Variants in CPQ observed in about 807,000 individuals in gnomAD.
CPQ encodes the protein carboxypeptidase Q, also known as Ser-Met dipeptidase.
A neutral mutation model predicts 45.7 loss-of-function variants in CPQ; 37 were observed. That is an observed-to-expected ratio of 0.81 (90% CI 0.62 to 1.07). The LOEUF (loss-of-function observed/expected upper bound fraction) is 1.07. Among genes scored for constraint, CPQ ranks in the 50% least tolerant of loss-of-function variants. CPQ has a pLI of 0.00. For synonymous variants in CPQ, 186 were observed against 205.8 expected (o/e 0.90, Z 0.82); for missense variants, 537 against 572.9 (o/e 0.94, Z 0.64).
chr8:96,792,710 CAG>C (rs1472281707), intron 2 of CPQ, among the ~76,000 whole-genome samples: 7 of 152,084 alleles, frequency 4.6e-5, no homozygotes, highest in Admixed American at 1.3e-4. Flanking sequence ...ATTTGAGAAA[CAG>C]TGGATTTTTA....
intron 5 of CPQ, among the ~76,000 whole-genome samples, chr8:96,990,470 G>A (rs538860869): frequency 1.3e-5 from 2 of 152,320 alleles, no homozygotes; most frequent in South Asian, 4.1e-4. Context: ...ATAGTCTTAT[G>A]TACTGGAAGT....
chr8:96,966,010 A>T lies in CPQ; in HGVS notation c.925A>T (p.Ile309Leu). The T allele has an allele frequency of 6.2e-7, 1 of 1,613,934 alleles. No individual in the cohort carries two copies. Among genetic ancestry groups the T allele is most frequent in the Middle Eastern group, 1.7e-4 (1 of 6,060 alleles). ...GAMDDGGGAF[I>L]SWEALSLIKD... ...CATGGATGATGGCGGTGGAGCCTTTATATCATGGGAAGCACTCTCACTTAT... is the reference window on the plus strand; with the variant it reads ...CATGGATGATGGCGGTGGAGCCTTTTTATCATGGGAAGCACTCTCACTTAT... Residue 309 changes from isoleucine (I) to leucine (L), a missense_variant, in exon 5 of 8, where the codon ATA becomes TTA. Physicochemically the swap from Ile to Leu is conservative, Grantham distance 5. Transcript: ENST00000220763.
chr8:96,829,073 A>G (rs1811412950), intron 2 of CPQ, among the ~76,000 whole-genome samples: 1 of 152,242 alleles, frequency 6.6e-6, no homozygotes, highest in African/African-American at 2.4e-5. Context: ...CAAAATAACA[A>G]AAGTCTCTGT....
chr8:97,103,190 T>A (rs1426707968), intron 7 of CPQ, among the ~76,000 whole-genome samples: 1 of 152,142 alleles, frequency 6.6e-6, no homozygotes, highest in African/African-American at 2.4e-5. Flanking sequence ...AAGTTCCTTT[T>A]TGCCATATAA....
rs749278181 is a variant in CPQ, at chr8:97,078,763, T to TTCTCTCTCTCTCTCTCTC, written c.1255+12580_1255+12597dup. ...ACTCTAAATATGATATCATTTCCATTTCTCTCTCTCTCTCTCTCTCTCTCT... is the reference window on the plus strand; with the variant it reads ...ACTCTAAATATGATATCATTTCCATTTCTCTCTCTCTCTCTCTCTCTCTCTCTCTCTCTCTCTCTCTCT... On this transcript the variant is annotated intron_variant, in intron 7 of 7. Transcript: ENST00000220763. Among the ~76,000 whole-genome samples the TTCTCTCTCTCTCTCTCTC allele has an allele frequency of 1.0e-3, 102 of 100,348 alleles. 3 individuals carry two copies. The highest frequency in any genetic ancestry group is 0.013 in the Middle Eastern group (2 of 152). The allele number at this position is 100,348 out of a possible 152,430, so 65.8% of individuals were successfully genotyped here. A position where few individuals can be genotyped will look rare whatever the true frequency, so the allele number is the denominator to read the frequency against.
intron 1 of CPQ, among the ~76,000 whole-genome samples, chr8:96,716,645 T>C (rs1032171344): frequency 1.3e-5 from 2 of 152,120 alleles, no homozygotes; most frequent in African/African-American, 2.4e-5. Context: ...CAGTGGCTCA[T>C]GCTTGTAATC....
intron 5 of CPQ, among the ~76,000 whole-genome samples, chr8:96,971,850 G>GA (rs763364983): frequency 4.1e-4 from 63 of 152,332 alleles, no homozygotes; most frequent in Non-Finnish European, 7.2e-4. Flanking sequence ...GAAACTTGAA[G>GA]AAATTGTGAA....
chr8:96,827,953 A>G (rs1054032216), intron 2 of CPQ, among the ~76,000 whole-genome samples: 1 of 152,072 alleles, frequency 6.6e-6, no homozygotes, highest in African/African-American at 2.4e-5. Context: ...TTCAACTTAA[A>G]ATTTTTAGAA....
intron 4 of CPQ, among the ~76,000 whole-genome samples, chr8:96,964,130 A>T (rs1813512431): frequency 6.9e-6 from 1 of 145,382 alleles, no homozygotes. Flanking sequence ...TATTATGAAT[A>T]CTCTGTTATG....
chr8:97,103,197 A>T (rs1031970878), intron 7 of CPQ, among the ~76,000 whole-genome samples: 2 of 152,114 alleles, frequency 1.3e-5, no homozygotes, highest in African/African-American at 4.8e-5. Flanking sequence ...TTTTTGCCAT[A>T]TAAGGAAAAG....
At chr8:96,694,749 C>T (rs1266455042) in intron 1 of CPQ, among the ~76,000 whole-genome samples, 1 of 151,716 alleles carries the variant, frequency 6.6e-6, no homozygotes, top group Non-Finnish European at 1.5e-5. Context: ...ATACCAAAAC[C>T]TATAGGATAC....
chr8:96,736,095 G>C (rs997687320), intron 1 of CPQ, among the ~76,000 whole-genome samples: 8 of 152,184 alleles, frequency 5.3e-5, no homozygotes, highest in Non-Finnish European at 8.8e-5. Context: ...ATATGGGTTT[G>C]ACAGTCATGC....
intron 7 of CPQ, among the ~76,000 whole-genome samples, chr8:97,088,086 A>G (rs1380907844): frequency 6.6e-6 from 1 of 152,218 alleles, no homozygotes; most frequent in Non-Finnish European, 1.5e-5. Context: ...ACTTCATAGT[A>G]TGTTGTCAAA....
At chr8:96,884,809 T>G (rs925509221) in intron 4 of CPQ, among the ~76,000 whole-genome samples, 1 of 152,212 alleles carries the variant, frequency 6.6e-6, no homozygotes, top group East Asian at 1.9e-4. Context: ...AAGTTGGTTT[T>G]TATAATTTAG....
At chr8:96,887,275 A>G (rs1443176749) in intron 4 of CPQ, among the ~76,000 whole-genome samples, 1 of 152,236 alleles carries the variant, frequency 6.6e-6, no homozygotes, top group Non-Finnish European at 1.5e-5. Context: ...CGGAAAGTTC[A>G]AATGTATGCT....
intron 5 of CPQ, 125 bp from the exon 6 acceptor site, chr8:97,029,278 A>G: frequency 2.3e-6 from 2 of 872,300 alleles, no homozygotes; most frequent in Non-Finnish European, 3.5e-6. Flanking sequence ...AGACAACCAC[A>G]CCAGTGAGAG....
At chr8:97,080,880 G>A (rs1810935704) in intron 7 of CPQ, among the ~76,000 whole-genome samples, 1 of 151,982 alleles carries the variant, frequency 6.6e-6, no homozygotes, top group African/African-American at 2.4e-5. Flanking sequence ...GAGATATGAA[G>A]TGTGTCCTCA....
chr8:97,029,343 T>A lies in CPQ; in HGVS notation c.962-60T>A, dbSNP rs935394325. ...ACAAGGCAGATGAGGGACCCTGCCA[T>A]TTTTTTATAAAATTCAAAATCAACT... On this transcript the variant is annotated intron_variant, in intron 5 of 7. Transcript: ENST00000220763. The A allele has an allele frequency of 9.3e-6, 14 of 1,504,500 alleles. No individual in the cohort carries two copies. The Admixed American group carries it at 1.6e-4, about 17-fold the overall frequency. 93.2% of individuals were successfully genotyped at this position (1,504,500 alleles called of 1,614,324 possible). A position where few individuals can be genotyped will look rare whatever the true frequency, so the allele number is the denominator to read the frequency against.
At chr8:96,752,006 T>C (rs1024067039) in intron 1 of CPQ, among the ~76,000 whole-genome samples, 7 of 152,154 alleles carry the variant, frequency 4.6e-5, no homozygotes, top group Non-Finnish European at 8.8e-5. Flanking sequence ...GTCTGTTTTT[T>C]GTACCACTAC....
Sources: allele counts gnomAD v4.1 joint callset (sites outside exome capture counted in the v4.1 genomes callset), GRCh38; gene constraint gnomAD v4.1.1; transcripts MANE v1.5; gene names NCBI Gene and HGNC (gene_info 2026-07-23, HGNC 2026-07-21).